The following HS3ST4 variants were observed in gnomAD, a reference collection of about 807,000 sequenced individuals.
HS3ST4 encodes heparan sulfate-glucosamine 3-sulfotransferase 4.
A neutral mutation model predicts 29.2 loss-of-function variants in HS3ST4; 17 were observed. The ratio of observed to expected loss-of-function variants is 0.58; its 90% CI spans 0.40 to 0.87. The LOEUF is 0.87. HS3ST4 is among the 40% of genes least tolerant of loss of function. HS3ST4 has a pLI of 0.00. For synonymous variants in HS3ST4, 314 were observed against 285.7 expected (o/e 1.10, Z -1.00); for missense variants, 627 against 634.5 (o/e 0.99, Z 0.13).
intron 1 of HS3ST4, among the ~76,000 whole-genome samples, chr16:26,129,794 G>A (rs904884609): frequency 6.6e-6 from 1 of 152,168 alleles, no homozygotes; most frequent in Non-Finnish European, 1.5e-5. Context: ...GAAAATGCTT[G>A]GAGACGTCAG....
chr16:26,113,445 C>CAAA (rs68038070), intron 1 of HS3ST4, among the ~76,000 whole-genome samples: 4 of 138,134 alleles, frequency 2.9e-5, no homozygotes, highest in African/African-American at 1.1e-4. Context: ...GACTCTGTCT[C>CAAA]AAAAAAAAGA....
chr16:25,709,893 G>T (rs1475476803), intron 1 of HS3ST4, among the ~76,000 whole-genome samples: 1 of 151,968 alleles, frequency 6.6e-6, no homozygotes, highest in Non-Finnish European at 1.5e-5. Flanking sequence ...AATTTTAAAG[G>T]AATTGTGTAT....
At chr16:25,837,231 C>CA (rs1967365361) in intron 1 of HS3ST4, among the ~76,000 whole-genome samples, 1 of 152,222 alleles carries the variant, frequency 6.6e-6, no homozygotes, top group Non-Finnish European at 1.5e-5. Flanking sequence ...TCAGCTCATT[C>CA]ACGTTCAGAG....
intron 1 of HS3ST4, among the ~76,000 whole-genome samples, chr16:25,964,177 T>TAA (rs35421168): frequency 1.5e-4 from 21 of 135,778 alleles, no homozygotes; most frequent in Non-Finnish European, 2.4e-4. Context: ...CTCCATCTCA[T>TAA]AAAAAAAAAA....
intron 1 of HS3ST4, among the ~76,000 whole-genome samples, chr16:26,031,622 GA>G (rs1969531524): frequency 6.6e-6 from 1 of 151,766 alleles, no homozygotes; most frequent in South Asian, 2.1e-4. Context: ...CAAAAGGGAA[GA>G]AGGATCATTT....
intron 1 of HS3ST4, among the ~76,000 whole-genome samples, chr16:25,695,875 T>G (rs1418160076): frequency 2.6e-5 from 4 of 152,198 alleles, no homozygotes; most frequent in African/African-American, 4.8e-5. Flanking sequence ...TGCACATGTT[T>G]CTGGTTTTTG....
intron 1 of HS3ST4, among the ~76,000 whole-genome samples, chr16:25,958,527 C>T (rs894569598): frequency 6.6e-6 from 1 of 152,132 alleles, no homozygotes; most frequent in African/African-American, 2.4e-5. Context: ...GACGGGGTTT[C>T]ACCATGTTGG....
chr16:26,132,923 G>A (rs1036536340), intron 1 of HS3ST4, among the ~76,000 whole-genome samples: 1 of 151,956 alleles, frequency 6.6e-6, no homozygotes, highest in Non-Finnish European at 1.5e-5. Context: ...ATGAAACAAG[G>A]GAATATATCT....
chr16:26,058,138 C>T (rs185379259), intron 1 of HS3ST4, among the ~76,000 whole-genome samples: 51 of 152,310 alleles, frequency 3.3e-4, no homozygotes. Flanking sequence ...TACATGTTCT[C>T]CAAGCTATGT....
intron 1 of HS3ST4, among the ~76,000 whole-genome samples, chr16:25,985,982 G>T (rs532718133): frequency 2.0e-5 from 3 of 152,064 alleles, no homozygotes; most frequent in Non-Finnish European, 2.9e-5. Context: ...ACCATAACTG[G>T]CCCTTCCTTT....
chr16:26,076,434 C>T (rs1898665995), intron 1 of HS3ST4, among the ~76,000 whole-genome samples: 1 of 152,240 alleles, frequency 6.6e-6, no homozygotes, highest in African/African-American at 2.4e-5. Context: ...GTCTTAGGCT[C>T]ATTATTACTA....
At chr16:25,922,918 GC>G (rs533985738) in intron 1 of HS3ST4, among the ~76,000 whole-genome samples, 220 of 152,324 alleles carry the variant, frequency 1.4e-3, no homozygotes, top group Non-Finnish European at 2.7e-3. Flanking sequence ...GGCTCACTCA[GC>G]TTTGGCAGAA....
intron 1 of HS3ST4, among the ~76,000 whole-genome samples, chr16:25,758,964 C>CA (rs1247286269): frequency 2.6e-5 from 2 of 77,688 alleles, no homozygotes; most frequent in South Asian, 5.3e-4. Context: ...TCAAAAAAAA[C>CA]AAAAAACAAA....
intron 1 of HS3ST4, among the ~76,000 whole-genome samples, chr16:26,017,758 C>G (rs1969374732): frequency 6.6e-6 from 1 of 152,092 alleles, no homozygotes; most frequent in South Asian, 2.1e-4. Context: ...TTGCAGTCCC[C>G]TGATGAATAG....
intron 1 of HS3ST4, among the ~76,000 whole-genome samples, chr16:26,118,644 A>G (rs1373619174): frequency 6.6e-6 from 1 of 152,124 alleles, no homozygotes; most frequent in Non-Finnish European, 1.5e-5. Flanking sequence ...TCCATATTGG[A>G]TGGCACAGGT....
At chr16:26,130,995 A>G (rs1044933480) in intron 1 of HS3ST4, among the ~76,000 whole-genome samples, 1 of 152,222 alleles carries the variant, frequency 6.6e-6, no homozygotes, top group African/African-American at 2.4e-5. Context: ...TAGTGTCCAC[A>G]TCAGTAAATC....
chr16:25,811,938 T>A (rs1393056566), intron 1 of HS3ST4, among the ~76,000 whole-genome samples: 1 of 152,144 alleles, frequency 6.6e-6, no homozygotes, highest in East Asian at 1.9e-4. Context: ...CCCAATGTTG[T>A]TCAAGGGTCA....
chr16:25,872,480 G>T (rs1967765255), intron 1 of HS3ST4, among the ~76,000 whole-genome samples: 1 of 152,232 alleles, frequency 6.6e-6, no homozygotes, highest in African/African-American at 2.4e-5. Flanking sequence ...CCAAGGAGCA[G>T]GGGCTTCTGT....
intron 1 of HS3ST4, among the ~76,000 whole-genome samples, chr16:25,873,638 A>G (rs535858544): frequency 1.5e-5 from 2 of 132,996 alleles, no homozygotes; most frequent in African/African-American, 5.6e-5. Context: ...CCATCCATTC[A>G]TCCATCCATC....
Sources: allele counts gnomAD v4.1 joint callset (sites outside exome capture counted in the v4.1 genomes callset), GRCh38; gene constraint gnomAD v4.1.1; transcripts MANE v1.5; gene names NCBI Gene and HGNC (gene_info 2026-07-23, HGNC 2026-07-21).